PTPRN2: variants seen among roughly 807,000 people sequenced by gnomAD.
PTPRN2 encodes protein tyrosine phosphatase receptor type N2.
In PTPRN2, 74 loss-of-function variants were observed where a neutral mutation model predicts 118.8. That is an observed-to-expected ratio of 0.62 (90% CI 0.52 to 0.76). The LOEUF is 0.76. PTPRN2 is among the 30% of genes least tolerant of loss of function. The pLI, the probability that PTPRN2 is intolerant of heterozygous loss-of-function variation, is 0.00. For missense variants in PTPRN2, 1,481 were observed against 1,394.4 expected (o/e 1.06, Z -0.99); for synonymous variants, 641 against 608.0 (o/e 1.05, Z -0.80).
intron 19 of PTPRN2, chr7:157,574,547 A>T: frequency 3.3e-6 from 1 of 306,216 alleles, no homozygotes; most frequent in South Asian, 3.0e-5. Context: ...TTTTTAAAGC[A>T]AAGCCCTCAC....
intron 12 of PTPRN2, among the ~76,000 whole-genome samples, chr7:157,722,570 T>A (rs1262639203): frequency 6.6e-6 from 1 of 152,098 alleles, no homozygotes; most frequent in Non-Finnish European, 1.5e-5. Flanking sequence ...TGCACTGAAA[T>A]GTGTGGACTT....
intron 2 of PTPRN2, among the ~76,000 whole-genome samples, chr7:158,338,974 A>G (rs1189152684): frequency 1.3e-4 from 1 of 7,464 alleles, no homozygotes; most frequent in Non-Finnish European, 2.6e-4. Flanking sequence ...AAGAACTGAC[A>G]CCTGCAGACA....
intron 12 of PTPRN2, among the ~76,000 whole-genome samples, chr7:157,830,842 T>C (rs536644950): frequency 1.3e-4 from 20 of 152,302 alleles, no homozygotes; most frequent in African/African-American, 3.1e-4. Flanking sequence ...AGCAAGCTAT[T>C]GGGACAACGG....
At chr7:157,885,493 C>T (rs577422680) in intron 12 of PTPRN2, among the ~76,000 whole-genome samples, 4 of 152,296 alleles carry the variant, frequency 2.6e-5, no homozygotes, top group African/African-American at 4.8e-5. Context: ...CAGATGCACC[C>T]GCCTGACGCT....
intron 12 of PTPRN2, among the ~76,000 whole-genome samples, chr7:157,714,803 C>A (rs948328099): frequency 1.3e-5 from 2 of 151,928 alleles, no homozygotes; most frequent in African/African-American, 4.8e-5. Flanking sequence ...TCTAGGTCTC[C>A]CGCTTTCTGA....
intron 2 of PTPRN2, among the ~76,000 whole-genome samples, chr7:158,489,312 T>A (rs974209467): frequency 6.6e-6 from 1 of 152,152 alleles, no homozygotes; most frequent in Non-Finnish European, 1.5e-5. Flanking sequence ...CCGGGTGCAG[T>A]GGCGCACGCC....
intron 2 of PTPRN2, among the ~76,000 whole-genome samples, chr7:158,400,455 C>T (rs1345082446): frequency 6.6e-6 from 1 of 152,146 alleles, no homozygotes. Flanking sequence ...ACAACAAAAT[C>T]ACAGCCATTA....
intron 3 of PTPRN2, among the ~76,000 whole-genome samples, chr7:158,264,733 C>A (rs989669928): frequency 4.6e-5 from 7 of 152,224 alleles, no homozygotes; most frequent in African/African-American, 2.4e-5. Context: ...GGCTCCAGGA[C>A]TGCCTCAAGT....
chr7:158,146,226 C>G (rs987916044), intron 6 of PTPRN2, among the ~76,000 whole-genome samples: 1 of 152,078 alleles, frequency 6.6e-6, no homozygotes, highest in African/African-American at 2.4e-5. Flanking sequence ...TGCTCAAGAT[C>G]TAATTCAAGA....
At chr7:157,770,060 G>A (rs1400663391) in intron 12 of PTPRN2, among the ~76,000 whole-genome samples, 1 of 152,218 alleles carries the variant, frequency 6.6e-6, no homozygotes, top group East Asian at 1.9e-4. Context: ...CTTGGTCTCC[G>A]AGCCTCCCCA....
At chr7:158,193,094 G>A (rs148933712) in intron 4 of PTPRN2, among the ~76,000 whole-genome samples, 16 of 152,324 alleles carry the variant, frequency 1.1e-4, no homozygotes, top group African/African-American at 1.9e-4. Flanking sequence ...TTCACGCACC[G>A]CCATCGCGTG....
At chr7:158,582,159 T>A (rs967274075) in intron 1 of PTPRN2, among the ~76,000 whole-genome samples, 6 of 152,168 alleles carry the variant, frequency 3.9e-5, no homozygotes, top group African/African-American at 1.2e-4. Flanking sequence ...CAACTAAGAT[T>A]AAAAAATAAG....
intron 11 of PTPRN2, among the ~76,000 whole-genome samples, chr7:157,976,268 G>A (rs1042714671): frequency 6.6e-5 from 10 of 152,164 alleles, no homozygotes; most frequent in African/African-American, 2.2e-4. Flanking sequence ...CCCAGGAGGC[G>A]CTGATGAGTT....
chr7:158,082,151 G>A (rs932190093), intron 10 of PTPRN2, among the ~76,000 whole-genome samples: 6 of 152,078 alleles, frequency 3.9e-5, no homozygotes, highest in Admixed American at 6.5e-5. Context: ...CAGGAAATGC[G>A]AAGAGGACCC....
At position 157,822,478 on chromosome 7, in the gene PTPRN2, A is replaced by G. The variant is rs117499141; in HGVS notation, c.1788+76195T>C. Among the ~76,000 whole-genome samples the G allele has an allele frequency of 7.6e-3, 1,153 of 151,858 alleles. 34 individuals carry two copies. Among genetic ancestry groups the G allele is most frequent in the Admixed American group, 0.051 (776 of 15,268 alleles). On this transcript the variant is annotated intron_variant, in intron 12 of 22. Transcript: ENST00000389418. ...CATCTATCCACTCATCCACCCATCT[A>G]TATGCTATCCATCATCCATCCACCT...
Position 158,587,541 on chromosome 7 carries a change from C to T in PTPRN2, c.112+17G>A, listed in dbSNP as rs1215288753. 6.3e-6 allele frequency: 8 copies of T among 1,263,692 alleles called. No homozygotes were observed. Among genetic ancestry groups the T allele is most frequent in the South Asian group, 2.9e-5 (1 of 34,536 alleles). The allele number at this position is 1,263,692 out of a possible 1,614,324, so 78.3% of individuals were successfully genotyped here. A position where few individuals can be genotyped will look rare whatever the true frequency, so the allele number is the denominator to read the frequency against. ...CTAATTCATTGAGGCGCCCCTCCCCCGGCGCCCCCCACTCACCCAGACGCC... is the reference window on the plus strand; with the variant it reads ...CTAATTCATTGAGGCGCCCCTCCCCTGGCGCCCCCCACTCACCCAGACGCC... On this transcript the variant is annotated intron_variant, in intron 1 of 22. Transcript: ENST00000389418.
chr7:157,924,003 C>T lies in PTPRN2; in HGVS notation c.1724-25266G>A, dbSNP rs1032377584. On this transcript the variant is annotated intron_variant, in intron 11 of 22. Transcript: ENST00000389418. ...CAGCACTGTGTTCCATTCTGGATAC[C>T]GCTGTTTGGGAGACCCCATGGGCAC... is the stretch of plus-strand genomic sequence containing the variant. 1.8e-4 allele frequency among the ~76,000 whole-genome samples: 27 copies of T among 152,216 alleles called. 1 individual carries two copies. In the South Asian group the frequency reaches 2.3e-3, roughly 13 times the overall value.
At chr7:158,270,769 C>A (rs1224285629) in intron 3 of PTPRN2, among the ~76,000 whole-genome samples, 2 of 136,202 alleles carry the variant, frequency 1.5e-5, no homozygotes, top group East Asian at 4.2e-4. Flanking sequence ...TGGACCACCC[C>A]GTCCACCTGG....
chr7:158,333,738 A>G, intron 2 of PTPRN2, among the ~76,000 whole-genome samples: 2 of 148,240 alleles, frequency 1.3e-5, no homozygotes, highest in Non-Finnish European at 3.0e-5. Context: ...ACTCACACAC[A>G]TACTCTCACC....
Sources: allele counts gnomAD v4.1 joint callset (sites outside exome capture counted in the v4.1 genomes callset), GRCh38; gene constraint gnomAD v4.1.1; transcripts MANE v1.5; gene names NCBI Gene and HGNC (gene_info 2026-07-23, HGNC 2026-07-21).